SPATA20: variants seen among roughly 807,000 people sequenced by gnomAD.
SPATA20 encodes the protein spermatogenesis-associated protein 20.
SPATA20 carries 74 observed loss-of-function variants against 98.9 expected under a neutral mutation model. That is an observed-to-expected ratio of 0.75 (90% CI 0.62 to 0.91). SPATA20 has a LOEUF of 0.91. SPATA20 is among the 40% of genes least tolerant of loss of function. SPATA20 has a pLI of 0.00. For synonymous variants in SPATA20, 430 were observed against 440.5 expected, an observed-to-expected ratio of 0.98 and a Z score of 0.30; for missense variants, 1,016 against 1,069.8, an observed-to-expected ratio of 0.95 and a Z score of 0.70.
intron 2 of SPATA20, chr17:50,548,034 C>A: frequency 6.8e-7 from 1 of 1,473,814 alleles, no homozygotes; most frequent in Non-Finnish European, 8.9e-7. Context: ...CCATCCTTCC[C>A]ACCGCCAGGC....
At chr17:50,547,314 C>T (rs983079755) in intron 1 of SPATA20, 29 bp downstream of exon 1, 1 of 1,404,892 alleles carries the variant, frequency 7.1e-7, no homozygotes, top group African/African-American at 1.5e-5. Flanking sequence ...GCCCCTAGGG[C>T]ACTCCCTGCG....
At position 50,550,223 on chromosome 17, in the gene SPATA20, TC is replaced by T; in HGVS notation, c.1011del (p.Thr338GlnfsTer51). ...ATCCGCACAGGGCTTTCACCGCTAC[TC>T]CACAGACCGCCAGTGGCACGTCCCT... ...DHVGQGFHRY[S>X]TDRQWHVPHF... On this transcript the variant is annotated frameshift_variant, in exon 9 of 17. Coordinates refer to ENST00000006658, the MANE Select transcript of SPATA20 (RefSeq NM_022827.4). LOFTEE classifies it high-confidence loss of function. 6.2e-7 allele frequency: 1 copy of T among 1,612,294 alleles called. No homozygotes were observed. The highest frequency in any genetic ancestry group is 1.1e-5 in the South Asian group (1 of 91,050).
chr17:50,552,297 G>A (rs1047909005), intron 14 of SPATA20, 117 bp downstream of exon 14: 9 of 788,142 alleles, frequency 1.1e-5, no homozygotes, highest in African/African-American at 3.5e-5. Context: ...TATTAATGGC[G>A]TGATTTTTGG....
chr17:50,549,542 G>A, intron 7 of SPATA20, 55 bp downstream of exon 7: 1 of 1,546,076 alleles, frequency 6.5e-7, no homozygotes, highest in Non-Finnish European at 8.8e-7. Flanking sequence ...TTCCTATGCT[G>A]GTCAGGGACC....
In SPATA20 at chr17:50,554,417, C is replaced by T. The variant is rs761210836; in HGVS notation, c.2124C>T (p.Arg708=). ...RVPVALPEMV[R]ALSAQQQTLK... ...CGGTGGCGTTGCCCGAGATGGTCCG[C>T]GCCCTCTCAGCCCAGCAGCAGACCC... is the stretch of plus-strand genomic sequence containing the variant. The change falls in exon 15 of 17, where the codon CGC becomes CGT. Residue 708 remains arginine (R), a synonymous_variant. Coordinates refer to ENST00000006658, the MANE Select transcript of SPATA20 (RefSeq NM_022827.4). 8 of 1,613,142 alleles carry T rather than the reference C, an allele frequency of 5.0e-6. No homozygotes were observed. The highest frequency in any genetic ancestry group is 4.5e-5 in the East Asian group (2 of 44,884).
chr17:50,552,166 T>G lies in SPATA20; in HGVS notation c.1943T>G (p.Leu648Arg). 6.2e-7 allele frequency: 1 copy of G among 1,613,526 alleles called. No homozygotes were observed. Among genetic ancestry groups the G allele is most frequent in the Non-Finnish European group, 8.5e-7 (1 of 1,179,940 alleles). The part of the protein sequence containing the change: ...SEAELGAGLP[L>R]RLKDDQDGAE... ...GCTGAGCTGGGGGCTGGCCTGCCCC[T>G]GCGTCTGAAGGACGGTCAGTGGGGG... The change falls in exon 14 of 17, where the codon CTG becomes CGG. Residue 648 changes from leucine to arginine, a missense_variant. Coordinates refer to ENST00000006658, the MANE Select transcript of SPATA20 (RefSeq NM_022827.4).
At position 50,554,468 on chromosome 17, in the gene SPATA20, C is replaced by A. The variant is rs1294116895; in HGVS notation, c.2157+18C>A. ...TCAAGCAGGTGGGGGGTGAGGGCATCTGGGCTGGGACCTCGGGTAGGAGGG... is the reference window on the plus strand; with the variant it reads ...TCAAGCAGGTGGGGGGTGAGGGCATATGGGCTGGGACCTCGGGTAGGAGGG... On this transcript the variant is annotated intron_variant, in intron 15 of 16. Transcript: ENST00000006658. 1 of 1,606,378 alleles carries A rather than the reference C, an allele frequency of 6.2e-7. No individual in the cohort carries two copies.
chr17:50,548,447 T>C lies in SPATA20; in HGVS notation c.290T>C (p.Val97Ala). The change falls in exon 3 of 17, where the codon GTG becomes GCG. Residue 97 changes from valine to alanine, a missense_variant. Transcript: ENST00000006658. ...CTCCTACAACATGCCTACAATCCTG[T>C]GGACTGGTGAGCACCTCTCCTGGGG... Reference protein sequence around the residue: ...PYLLQHAYNPVDWYPWGQEAF... With the variant: ...PYLLQHAYNPADWYPWGQEAF... 6.2e-7 allele frequency: 1 copy of C among 1,613,906 alleles called. No homozygotes were observed. The highest frequency in any genetic ancestry group is 8.5e-7 in the Non-Finnish European group (1 of 1,179,916).
rs986465046 is a variant in SPATA20, at chr17:50,555,344, T to A, written c.2238+32T>A. ...ATCCCTGTGAGCCCAATCTGCCACC[T>A]CCCCAGAGCTGCCCCCTCCCATCCT... On this transcript the variant is annotated intron_variant, in intron 16 of 16. Coordinates refer to ENST00000006658, the MANE Select transcript of SPATA20 (RefSeq NM_022827.4). 9 of 1,603,668 alleles carry A rather than the reference T, an allele frequency of 5.6e-6. No individual in the cohort carries two copies. In the African/African-American group the frequency reaches 1.1e-4, roughly 19 times the overall value.
intron 11 of SPATA20, 38 bp downstream of exon 11, chr17:50,550,955 C>T (rs543119144): frequency 6.2e-7 from 1 of 1,612,114 alleles, no homozygotes; most frequent in East Asian, 2.2e-5. Context: ...GCCCTGGTGC[C>T]TGCCAGGCGT....
chr17:50,548,464 C>G lies in SPATA20; in HGVS notation c.296+11C>G. 1.2e-6 allele frequency: 2 copies of G among 1,613,796 alleles called. No homozygotes were observed. Among genetic ancestry groups the G allele is most frequent in the Non-Finnish European group, 1.7e-6 (2 of 1,179,862 alleles). On this transcript the variant is annotated intron_variant, in intron 3 of 16. Coordinates refer to ENST00000006658, the MANE Select transcript of SPATA20 (RefSeq NM_022827.4). ...CAATCCTGTGGACTGGTGAGCACCT[C>G]TCCTGGGGCCCTGCCTGGAATCGCT...
At chr17:50,554,478 A>T in intron 15 of SPATA20, 28 bp downstream of exon 15, 1 of 1,602,652 alleles carries the variant, frequency 6.2e-7, no homozygotes, top group Non-Finnish European at 8.5e-7. Flanking sequence ...CTGGGCTGGG[A>T]CCTCGGGTAG....
chr17:50,555,056 A>AGT (rs897396741), intron 15 of SPATA20, among the ~76,000 whole-genome samples, 176 bp from the exon 16 acceptor site: 7 of 149,452 alleles, frequency 4.7e-5, no homozygotes, highest in Non-Finnish European at 1.0e-4. Flanking sequence ...CTCATGTGTG[A>AGT]GTGTGTGTGT....
At chr17:50,548,671 A>T in intron 4 of SPATA20, 53 bp downstream of exon 4, 1 of 1,600,446 alleles carries the variant, frequency 6.2e-7, no homozygotes. Context: ...GTGGCAGTGG[A>T]TGGGGGAGGG....
At chr17:50,547,950 G>C in intron 2 of SPATA20, 183 bp downstream of exon 2, 1 of 1,216,714 alleles carries the variant, frequency 8.2e-7, no homozygotes, top group Non-Finnish European at 1.1e-6. Context: ...AGGGCCGGGG[G>C]AGGGGCCTGG....
chr17:50,549,516 G>A, intron 7 of SPATA20, 29 bp downstream of exon 7: 1 of 1,597,566 alleles, frequency 6.3e-7, no homozygotes, highest in Non-Finnish European at 8.5e-7. Context: ...CCTTAGCCCA[G>A]GCTTTGGCCT....
intron 9 of SPATA20, 62 bp from the exon 10 acceptor site, chr17:50,550,474 C>T (rs2034993504): frequency 6.5e-7 from 1 of 1,539,596 alleles, no homozygotes; most frequent in South Asian, 1.1e-5. Context: ...AATGTTGCCA[C>T]CTTCCACCTG....
rs778313085 is a variant in SPATA20, at chr17:50,548,333, T to G, written c.176T>G (p.Val59Gly). The G allele has an allele frequency of 4.3e-6, 7 of 1,613,754 alleles. No individual in the cohort carries two copies. In the Admixed American group the frequency reaches 1.0e-4, roughly 23 times the overall value. Residue 59 changes from valine (V) to glycine (G), a missense_variant, in exon 3 of 17, where the codon GTG (valine) becomes GGG (glycine). Transcript: ENST00000006658. ...KDRSATVSSS[V>G]PMPAGGKGSH... is the part of the protein sequence containing the mutation. ...CGAAGTGCGACGGTCAGTAGTTCAG[T>G]GCCCATGCCTGCTGGAGGGAAAGGA... is the stretch of plus-strand genomic sequence containing the variant.
chr17:50,547,983 A>G, intron 2 of SPATA20: 1 of 1,489,404 alleles, frequency 6.7e-7, no homozygotes, highest in Non-Finnish European at 8.9e-7. Flanking sequence ...ATGGAGCCCC[A>G]AGAACCATTC....
Sources: allele counts gnomAD v4.1 joint callset (sites outside exome capture counted in the v4.1 genomes callset), GRCh38; gene constraint gnomAD v4.1.1; transcripts MANE v1.5; gene names NCBI Gene and HGNC (gene_info 2026-07-23, HGNC 2026-07-21).